Variants in MYCBP2 observed in about 807,000 individuals in gnomAD.
MYCBP2 encodes the protein MYC binding protein 2, also known as E3 ubiquitin-protein ligase MYCBP2.
A neutral mutation model predicts 525.3 loss-of-function variants in MYCBP2; 120 were observed. The ratio of observed to expected loss-of-function variants is 0.23; its 90% CI spans 0.20 to 0.27. MYCBP2 has a LOEUF of 0.27. MYCBP2 is among the 10% of genes least tolerant of loss of function. MYCBP2 has a pLI of 1.00. For synonymous variants in MYCBP2, 1,894 were observed against 1,955.8 expected, an observed-to-expected ratio of 0.97 and a Z score of 0.83; for missense variants, 4,149 against 5,657.1, an observed-to-expected ratio of 0.73 and a Z score of 8.55.
At position 77,170,664 on chromosome 13, in the gene MYCBP2, C is replaced by A. The variant is rs191294998; in HGVS notation, c.5794+828G>T. ...CGATCTCGGCTCACTGCAGCCTCCG[C>A]CTCCTGGGTTCAAGCGATTCTCCTG... On this transcript the variant is annotated intron_variant, in intron 38 of 82. Coordinates refer to ENST00000544440, the MANE Select transcript of MYCBP2 (RefSeq NM_015057.5). Among the ~76,000 whole-genome samples, 360 of 151,512 alleles carry A rather than the reference C, an allele frequency of 2.4e-3. 4 individuals carry two copies. Among genetic ancestry groups the A allele is most frequent in the African/African-American group, 8.5e-3 (350 of 41,226 alleles).
chr13:77,274,763 C>T (rs2075325279), intron 4 of MYCBP2, among the ~76,000 whole-genome samples: 1 of 152,152 alleles, frequency 6.6e-6, no homozygotes, highest in African/African-American at 2.4e-5. Flanking sequence ...TTACCATTCG[C>T]TTTTGCCCCA....
chr13:77,270,477 T>G lies in MYCBP2; in HGVS notation c.1007A>C (p.Gln336Pro), dbSNP rs1015419665. The G allele has an allele frequency of 1.9e-6, 3 of 1,613,738 alleles. No homozygotes were observed. The African/African-American group carries it at 4.0e-5, about 22-fold the overall frequency. The change falls in exon 6 of 83, where the codon CAA becomes CCA. Residue 336 changes from glutamine (Q) to proline (P), a missense_variant. By Grantham distance (76) the Gln-to-Pro change is moderately conservative. Coordinates refer to ENST00000544440, the MANE Select transcript of MYCBP2 (RefSeq NM_015057.5). ...GCCATTACTAAACCAGTCCTGAATT[T>G]GAATTTTTCCCACCAAAACTGCTTG... ...SVQAVLVGKIQIQDWFSNGIK... is the reference protein window; with the variant it reads ...SVQAVLVGKIPIQDWFSNGIK...
chr13:77,058,091 C>T lies in MYCBP2; in HGVS notation c.13329+127G>A, dbSNP rs1011631984. ...TCCTGACCTCGTGATCCACCTGCCT[C>T]GGCCTCCCAAAGTGCTGGGATTACA... On this transcript the variant is annotated intron_variant, in intron 78 of 82. Transcript: ENST00000544440. The surrounding 1 kb of genome is among the most constrained non-coding windows in gnomAD (Gnocchi z 4.1). 1.6e-5 allele frequency: 16 copies of T among 980,480 alleles called. No homozygotes were observed. The highest frequency in any genetic ancestry group is 3.5e-4 in the Middle Eastern group (1 of 2,826). The allele number at this position is 980,480 out of a possible 1,614,324, so 60.7% of individuals were successfully genotyped here. A position where few individuals can be genotyped will look rare whatever the true frequency, so the allele number is the denominator to read the frequency against.
intron 49 of MYCBP2, chr13:77,144,052 C>T (rs757052777): frequency 1.0e-5 from 2 of 196,344 alleles, no homozygotes; most frequent in Non-Finnish European, 2.1e-5. Flanking sequence ...ATTCATTCAT[C>T]CATATTTGCT....
intron 10 of MYCBP2, among the ~76,000 whole-genome samples, chr13:77,263,377 T>C (rs942525635): frequency 5.9e-5 from 9 of 152,150 alleles, no homozygotes; most frequent in African/African-American, 1.9e-4. Context: ...ATAATTCTCA[T>C]TAAATTTTAT....
Position 77,270,501 on chromosome 13 carries a change from T to C in MYCBP2, c.983A>G (p.Gln328Arg). Residue 328 changes from glutamine (Q) to arginine (R), a missense_variant, in exon 6 of 83, where the codon CAA (glutamine) becomes CGA (arginine). Physicochemically the swap from Gln to Arg is conservative, Grantham distance 43. Around this residue, in one of 21 missense-constraint regions of MYCBP2, gnomAD observed 413 missense variants for 451.2 expected, o/e 0.92. Coordinates refer to ENST00000544440, the MANE Select transcript of MYCBP2 (RefSeq NM_015057.5). ...TILNSLQRSV[Q>R]AVLVGKIQIQ... Reference sequence around the variant, plus strand: ...TTGAATTTTTCCCACCAAAACTGCTTGTACACTTCTCTGTAGCGAATTTAG... The same window carrying C: ...TTGAATTTTTCCCACCAAAACTGCTCGTACACTTCTCTGTAGCGAATTTAG... 1 of 1,613,440 alleles carries C rather than the reference T, an allele frequency of 6.2e-7. No individual in the cohort carries two copies. Among genetic ancestry groups the C allele is most frequent in the East Asian group, 2.2e-5 (1 of 44,760 alleles).
At chr13:77,190,217 A>C (rs1007867212) in intron 29 of MYCBP2, 35 bp downstream of exon 29, 13 of 1,357,382 alleles carry the variant, frequency 9.6e-6, no homozygotes, top group Non-Finnish European at 1.2e-5. Flanking sequence ...GCAAAATAAT[A>C]AACCATACTA....
chr13:77,090,348 C>G (rs1415190944), intron 59 of MYCBP2, 85 bp from the exon 60 acceptor site: 3 of 1,105,912 alleles, frequency 2.7e-6, no homozygotes, highest in Non-Finnish European at 3.7e-6. Flanking sequence ...AAATATGTGA[C>G]TCAATATTTC....
At chr13:77,168,348 G>A in intron 40 of MYCBP2, 80 bp downstream of exon 40, 1 of 1,180,102 alleles carries the variant, frequency 8.5e-7, no homozygotes, top group Non-Finnish European at 1.2e-6. Flanking sequence ...TGTAAATACA[G>A]GCCAGGCATT....
intron 1 of MYCBP2, among the ~76,000 whole-genome samples, chr13:77,309,852 G>A (rs1049873663): frequency 2.6e-5 from 4 of 152,118 alleles, no homozygotes; most frequent in Admixed American, 2.0e-4. Context: ...AGTGGCTCAC[G>A]CCTGTAATCT....
rs759882750 is a variant in MYCBP2, at chr13:77,169,575, T to TA, written c.5895+38dup. The TA allele has an allele frequency of 3.4e-5, 53 of 1,548,278 alleles. No individual in the cohort carries two copies. In the Middle Eastern group the frequency reaches 6.9e-4, roughly 20 times the overall value. ...AAAGTCTTTTTTTAAAAAAGATATT[T>TA]AAAAAAAACATTCAAAGTTATAGAA... is the stretch of plus-strand genomic sequence containing the variant. On this transcript the variant is annotated intron_variant, in intron 39 of 82. Coordinates refer to ENST00000544440, the MANE Select transcript of MYCBP2 (RefSeq NM_015057.5).
chr13:77,280,651 C>G (rs950469806), intron 3 of MYCBP2, among the ~76,000 whole-genome samples: 18 of 152,172 alleles, frequency 1.2e-4, no homozygotes, highest in Non-Finnish European at 1.5e-5. Context: ...TTGCCAGAAA[C>G]AGTAAGACTG....
At chr13:77,192,406 C>T (rs1489735918) in intron 27 of MYCBP2, among the ~76,000 whole-genome samples, 2 of 152,058 alleles carry the variant, frequency 1.3e-5, no homozygotes, top group Non-Finnish European at 2.9e-5. Flanking sequence ...AATATCTATA[C>T]AAACATTATT....
chr13:77,197,647 G>A (rs527669243), intron 26 of MYCBP2, among the ~76,000 whole-genome samples: 1 of 152,280 alleles, frequency 6.6e-6, no homozygotes, highest in African/African-American at 2.4e-5. Flanking sequence ...CTGGGTCTTT[G>A]AGGAACTCCT....
rs761364654 is a variant in MYCBP2, at chr13:77,098,587, G to A, written c.8567C>T (p.Ala2856Val). The change falls in exon 56 of 83, where the codon GCT (alanine) becomes GTT (valine). Residue 2856 changes from alanine to valine, a missense_variant. Transcript: ENST00000544440. ...HDKNLPQKSTAPVKTKLDPPR... is the reference protein window; with the variant it reads ...HDKNLPQKSTVPVKTKLDPPR... ...AGGATCAAGCTTTGTCTTAACAGGA[G>A]CAGTACTTTTTTGAGGTAGATTTTT... The A allele has an allele frequency of 1.2e-6, 2 of 1,613,666 alleles. No individual in the cohort carries two copies. The highest frequency in any genetic ancestry group is 1.7e-5 in the Admixed American group (1 of 59,928).
intron 15 of MYCBP2, among the ~76,000 whole-genome samples, chr13:77,248,525 A>G (rs965706945): frequency 3.3e-5 from 5 of 152,194 alleles, no homozygotes; most frequent in African/African-American, 1.2e-4. Context: ...GATGCTGAAC[A>G]TCACTAATCA....
At chr13:77,064,851 G>A (rs1342921892) in intron 72 of MYCBP2, 117 bp from the exon 73 acceptor site, 1 of 976,908 alleles carries the variant, frequency 1.0e-6, no homozygotes, top group Non-Finnish European at 1.4e-6. Flanking sequence ...GTGAGACCAT[G>A]GAATTTTAGA....
At chr13:77,186,802 ATTTTTTTTTT>A (rs5804893) in intron 30 of MYCBP2, among the ~76,000 whole-genome samples, 5 of 120,466 alleles carry the variant, frequency 4.2e-5, no homozygotes, top group African/African-American at 6.2e-5. Flanking sequence ...TATAGATTCA[ATTTTTTTTTT>A]TTTTTTTTTT....
At chr13:77,263,596 A>G in intron 10 of MYCBP2, 55 bp downstream of exon 10, 1 of 1,458,790 alleles carries the variant, frequency 6.9e-7, no homozygotes, top group Non-Finnish European at 9.4e-7. Context: ...CATTTTTAAG[A>G]GTATGAAAAA....
Sources: gnomAD v4.1 joint callset for allele counts (sites outside exome capture counted in the v4.1 genomes callset) on GRCh38, gnomAD v4.1.1 for gene constraint, gnomAD v4.1.1 regional missense constraint, Gnocchi (gnomAD v3.1) non-coding constraint, MANE v1.5 for transcripts, NCBI Gene and HGNC (gene_info 2026-07-23, HGNC 2026-07-21) for gene names.